PTPRJ: variants seen among roughly 807,000 people sequenced by gnomAD.
The protein encoded by PTPRJ is protein tyrosine phosphatase receptor type J, also known as receptor-type tyrosine-protein phosphatase eta.
PTPRJ carries 129 observed loss-of-function variants against 141.3 expected under a neutral mutation model. That is an observed-to-expected ratio of 0.91 (90% CI 0.79 to 1.06). The LOEUF is 1.06. Ranked by LOEUF, PTPRJ falls within the 50% of genes least tolerant of loss-of-function variation. The probability of loss-of-function intolerance (pLI) is 0.00; values close to 1 mark genes in which losing one functional copy is unlikely to be tolerated. For synonymous variants in PTPRJ, 610 were observed against 640.5 expected (o/e 0.95, Z 0.72); for missense variants, 1,601 against 1,679.7 (o/e 0.95, Z 0.82).
At chr11:48,108,153 T>C (rs1429402049) in intron 1 of PTPRJ, among the ~76,000 whole-genome samples, 1 of 152,144 alleles carries the variant, frequency 6.6e-6, no homozygotes. Context: ...AGATTGCACA[T>C]TGGTTTCTAT....
Position 48,139,468 on chromosome 11 carries a change from G to C in PTPRJ, c.2153-18G>C. On this transcript the variant is annotated intron_variant, in intron 10 of 24. Transcript: ENST00000418331. Reference sequence around the variant, plus strand: ...CAAAAGTCCCGGAATCTCATGCTGTGCTGTACTTGCTTTGCAGATCCTGCG... The same window carrying C: ...CAAAAGTCCCGGAATCTCATGCTGTCCTGTACTTGCTTTGCAGATCCTGCG... The C allele has an allele frequency of 6.2e-7, 1 of 1,611,734 alleles. No individual in the cohort carries two copies. Among genetic ancestry groups the C allele is most frequent in the Non-Finnish European group, 8.5e-7 (1 of 1,178,020 alleles).
intron 1 of PTPRJ, among the ~76,000 whole-genome samples, chr11:48,047,171 C>T (rs1417948811): frequency 6.6e-6 from 1 of 151,998 alleles, no homozygotes; most frequent in Admixed American, 6.6e-5. Flanking sequence ...CTGCCTCGGC[C>T]TCCCAAAGCA....
chr11:47,982,324 A>C (rs1467316210), intron 1 of PTPRJ, among the ~76,000 whole-genome samples: 2 of 152,212 alleles, frequency 1.3e-5, no homozygotes, highest in African/African-American at 4.8e-5. Flanking sequence ...AGGCTTCTCT[A>C]CCCTCAGTTA....
At chr11:48,150,882 C>T (rs1159655825) in intron 18 of PTPRJ, among the ~76,000 whole-genome samples, 2 of 152,256 alleles carry the variant, frequency 1.3e-5, no homozygotes. Context: ...GCACAGTGCA[C>T]ATGCTGCTTC....
intron 14 of PTPRJ, among the ~76,000 whole-genome samples, chr11:48,145,622 G>A (rs1452377193): frequency 4.4e-5 from 6 of 136,392 alleles, no homozygotes; most frequent in Non-Finnish European, 7.7e-5. Flanking sequence ...GCAGTGGCAC[G>A]ATATCTGCTC....
At position 48,120,983 on chromosome 11, in the gene PTPRJ, T is replaced by A. The variant is rs1417332831; in HGVS notation, c.353-20T>A. 2.0e-6 allele frequency: 3 copies of A among 1,515,564 alleles called. No individual in the cohort carries two copies. Among genetic ancestry groups the A allele is most frequent in the South Asian group, 2.5e-5 (2 of 78,598 alleles). The allele number at this position is 1,515,564 out of a possible 1,614,324, so 93.9% of individuals were successfully genotyped here. A position where few individuals can be genotyped will look rare whatever the true frequency, so the allele number is the denominator to read the frequency against. Reference sequence around the variant, plus strand: ...TCTTTTTGAAGTGCAATAATTTTTTTTTTTTTTTTAACAATATAGGGCCCA... The same window carrying A: ...TCTTTTTGAAGTGCAATAATTTTTTATTTTTTTTTAACAATATAGGGCCCA... On this transcript the variant is annotated intron_variant, in intron 3 of 24. Transcript: ENST00000418331.
At chr11:48,037,927 A>G (rs2134232322) in intron 1 of PTPRJ, among the ~76,000 whole-genome samples, 1 of 151,940 alleles carries the variant, frequency 6.6e-6, no homozygotes, top group East Asian at 1.9e-4. Flanking sequence ...CCGTGAGTCC[A>G]CGTGTGCCCT....
intron 1 of PTPRJ, among the ~76,000 whole-genome samples, chr11:48,040,905 ATTCTT>A (rs2134236022): frequency 6.6e-6 from 1 of 152,114 alleles, no homozygotes; most frequent in East Asian, 1.9e-4. Context: ...CCCCTCTTAC[ATTCTT>A]TTCTTCTGTT....
intron 1 of PTPRJ, among the ~76,000 whole-genome samples, chr11:47,996,473 A>G (rs897348567): frequency 6.6e-6 from 1 of 152,140 alleles, no homozygotes; most frequent in African/African-American, 2.4e-5. Flanking sequence ...AGCCTCTCAG[A>G]ATCTGTTACT....
At chr11:48,052,571 C>T (rs1378009539) in intron 1 of PTPRJ, among the ~76,000 whole-genome samples, 2 of 152,124 alleles carry the variant, frequency 1.3e-5, no homozygotes, top group East Asian at 3.9e-4. Context: ...CCTCTGAAGC[C>T]AGGCGAGACC....
chr11:47,980,652 C>T lies in PTPRJ; in HGVS notation c.-261C>T, dbSNP rs1565240472. 8 of 985,132 alleles carry T rather than the reference C, an allele frequency of 8.1e-6. No homozygotes were observed. Among genetic ancestry groups the T allele is most frequent in the Non-Finnish European group, 9.6e-6 (8 of 830,830 alleles). 61.0% of individuals were successfully genotyped at this position (985,132 alleles called of 1,614,324 possible). A position where few individuals can be genotyped will look rare whatever the true frequency, so the allele number is the denominator to read the frequency against. Reference sequence around the variant, plus strand: ...GCGCTGGGGGTGGGCGCCGCTCGCTCCGCCCCGCGAAGCCCCTGCGCGCTC... The same window carrying T: ...GCGCTGGGGGTGGGCGCCGCTCGCTTCGCCCCGCGAAGCCCCTGCGCGCTC... On this transcript the variant is annotated 5_prime_UTR_variant, in exon 1 of 25. Coordinates refer to ENST00000418331, the MANE Select transcript of PTPRJ (RefSeq NM_002843.4).
intron 1 of PTPRJ, among the ~76,000 whole-genome samples, chr11:48,105,383 A>AG (rs1222570153): frequency 1.3e-5 from 2 of 152,132 alleles, no homozygotes; most frequent in Non-Finnish European, 2.9e-5. Flanking sequence ...GCATGGACGG[A>AG]GAGGGTCTCA....
intron 1 of PTPRJ, among the ~76,000 whole-genome samples, chr11:48,096,382 GT>G (rs1052232112): frequency 6.6e-6 from 1 of 152,154 alleles, no homozygotes; most frequent in African/African-American, 2.4e-5. Context: ...CGATGGGATT[GT>G]TTTTAAGATT....
At chr11:48,163,308 C>T (rs1211524450) in intron 22 of PTPRJ, 150 bp from the exon 23 acceptor site, 1 of 674,846 alleles carries the variant, frequency 1.5e-6, no homozygotes, top group Non-Finnish European at 2.5e-6. Flanking sequence ...GATGAGCAAG[C>T]ACTTTATCAG....
rs778232871 is a variant in PTPRJ at position 48,139,580 on chromosome 11, C to T, written c.2247C>T (p.Gly749=). 6.2e-7 allele frequency: 1 copy of T among 1,614,254 alleles called. No homozygotes were observed. Reference sequence around the variant, plus strand: ...CCTGCCCTCCTGGCGCCAATGCAGGCTTTGAGCTGGAGGTCAGCAGTGGAG... The same window carrying T: ...CCTGCCCTCCTGGCGCCAATGCAGGTTTTGAGCTGGAGGTCAGCAGTGGAG... ...KWTCPPGANA[G]FELEVSSGAW... is the part of the protein sequence containing the mutation. The change falls in exon 11 of 25, where the codon GGC becomes GGT. Residue 749 remains glycine, a synonymous_variant. Coordinates refer to ENST00000418331, the MANE Select transcript of PTPRJ (RefSeq NM_002843.4).
At chr11:48,126,626 CT>C (rs1420575387) in intron 6 of PTPRJ, among the ~76,000 whole-genome samples, 4 of 151,838 alleles carry the variant, frequency 2.6e-5, no homozygotes, top group Non-Finnish European at 5.9e-5. Context: ...TCTCTCCAGC[CT>C]TTTTGATAAG....
At chr11:48,089,474 C>T (rs1855805545) in intron 1 of PTPRJ, among the ~76,000 whole-genome samples, 1 of 148,386 alleles carries the variant, frequency 6.7e-6, no homozygotes, top group African/African-American at 2.5e-5. Context: ...CGATATTGTG[C>T]CACTGTACTC....
chr11:48,128,800 CAG>C lies in PTPRJ; in HGVS notation c.1357+758_1357+759del, dbSNP rs375466361. On this transcript the variant is annotated intron_variant, in intron 7 of 24. Transcript: ENST00000418331. Reference sequence around the variant, plus strand: ...TGAGTAGCAGAGCAGGACTTGAACTCAGGGGTGTGTGGCTCTGGACCCAGGCT... The same window carrying C: ...TGAGTAGCAGAGCAGGACTTGAACTCGGGTGTGTGGCTCTGGACCCAGGCT... 2.8e-3 allele frequency among the ~76,000 whole-genome samples: 433 copies of C among 152,336 alleles called. 2 individuals are homozygous for C. Among genetic ancestry groups the C allele is most frequent in the African/African-American group, 0.01 (419 of 41,576 alleles).
intron 1 of PTPRJ, chr11:48,014,464 A>G (rs1310977914): frequency 6.6e-6 from 1 of 152,200 alleles, no homozygotes; most frequent in Admixed American, 6.5e-5. Flanking sequence ...CTGCTGTAGG[A>G]AATTCATTTA....
Sources: gnomAD v4.1 joint callset for allele counts (sites outside exome capture counted in the v4.1 genomes callset) on GRCh38, gnomAD v4.1.1 for gene constraint, MANE v1.5 for transcripts, NCBI Gene and HGNC (gene_info 2026-07-23, HGNC 2026-07-21) for gene names.